Variants in ADAMTS13 observed in about 807,000 individuals in gnomAD.
ADAMTS13 encodes ADAM metallopeptidase with thrombospondin type 1 motif 13.
A neutral mutation model predicts 155.1 loss-of-function variants in ADAMTS13; 110 were observed. That is an observed-to-expected ratio of 0.71 (90% CI 0.61 to 0.83). ADAMTS13 has a LOEUF of 0.83. ADAMTS13 is among the 40% of genes least tolerant of loss of function. ADAMTS13 has a pLI of 0.00. For missense variants in ADAMTS13, 1,707 were observed against 1,891.7 expected (o/e 0.90, Z 1.81); for synonymous variants, 758 against 756.4 (o/e 1.00, Z -0.03).
rs587644348 is a variant in ADAMTS13 at position 133,440,037 on chromosome 9, G to A, written c.1787-307G>A. Among the ~76,000 whole-genome samples the A allele has an allele frequency of 2.0e-5, 3 of 152,382 alleles. No individual in the cohort carries two copies. Among genetic ancestry groups the A allele is most frequent in the Non-Finnish European group, 4.4e-5 (3 of 68,046 alleles). ...GGGCAAGGCCCGCTTCTTTGCTATT[G>A]AGGGCCACAGTGGGTCTTTCTGGAG... On this transcript the variant is annotated intron_variant, in intron 15 of 28. Transcript: ENST00000355699. This position sits in a 1 kb window ranked among gnomAD's most constrained non-coding sequence, Gnocchi z 4.3.
At chr9:133,449,041 TCCTCA>T (rs1309162185) in intron 22 of ADAMTS13, among the ~76,000 whole-genome samples, 3 of 152,204 alleles carry the variant, frequency 2.0e-5, no homozygotes, top group African/African-American at 7.2e-5. Flanking sequence ...ACCCTCAGTG[TCCTCA>T]CCAGTGGGAG....
chr9:133,420,271 C>G (rs1839902557), upstream of ADAMTS13, among the ~76,000 whole-genome samples: 1 of 152,148 alleles, frequency 6.6e-6, no homozygotes, highest in African/African-American at 2.4e-5. Context: ...GAACTCCTGA[C>G]CTCATGATCC....
At chr9:133,422,306 G>A (rs1840004193), upstream of ADAMTS13, 4 of 844,532 alleles carry the variant, frequency 4.7e-6, no homozygotes, top group Admixed American at 8.0e-5. Flanking sequence ...TGCCCTGGCA[G>A]GAAGCTTCCA....
intron 2 of ADAMTS13, 61 bp downstream of exon 2, chr9:133,423,228 C>CA: frequency 6.7e-7 from 1 of 1,494,132 alleles, no homozygotes; most frequent in Non-Finnish European, 9.3e-7. Flanking sequence ...AGGGGTATCT[C>CA]ACCACTGAGT....
At chr9:133,442,874 A>G in intron 18 of ADAMTS13, 131 bp downstream of exon 18, 7 of 1,379,444 alleles carry the variant, frequency 5.1e-6, no homozygotes, top group Non-Finnish European at 6.7e-6. Context: ...GGCTCTCATT[A>G]CCCCTGCCCA....
intron 19 of ADAMTS13, among the ~76,000 whole-genome samples, chr9:133,444,277 G>C (rs1554791819): frequency 6.6e-6 from 1 of 152,112 alleles, no homozygotes; most frequent in East Asian, 1.9e-4. Flanking sequence ...CTCTGCACCT[G>C]CTATGGTGCA....
At chr9:133,442,083 A>G (rs1841710291) in intron 16 of ADAMTS13, among the ~76,000 whole-genome samples, 1 of 152,158 alleles carries the variant, frequency 6.6e-6, no homozygotes, top group African/African-American at 2.4e-5. Context: ...AGAGCCTGGT[A>G]CAGGTCAGTG....
intron 16 of ADAMTS13, among the ~76,000 whole-genome samples, chr9:133,442,165 A>G (rs587700909): frequency 6.6e-6 from 1 of 152,044 alleles, no homozygotes; most frequent in Admixed American, 6.5e-5. Context: ...GCCAGGCTGG[A>G]GTGCTATGTT....
chr9:133,436,778 A>AACC, intron 11 of ADAMTS13, 51 bp from the exon 12 acceptor site: 2 of 433,948 alleles, frequency 4.6e-6, no homozygotes, highest in South Asian at 1.6e-5. Flanking sequence ...CAGTGACAAC[A>AACC]CCCGCCCCCC....
At chr9:133,420,033 T>G (rs1335768926), upstream of ADAMTS13, among the ~76,000 whole-genome samples, 1 of 151,982 alleles carries the variant, frequency 6.6e-6, no homozygotes, top group Non-Finnish European at 1.5e-5. Context: ...GCCTCCCGAG[T>G]AGCTGGGATT....
intron 27 of ADAMTS13, 136 bp from the exon 28 acceptor site, chr9:133,457,774 C>G: frequency 8.9e-7 from 1 of 1,123,258 alleles, no homozygotes; most frequent in Non-Finnish European, 1.3e-6. Flanking sequence ...AGGTGGGGTT[C>G]AGCAGGATTT....
At chr9:133,450,395 C>A (rs1177196697) in intron 23 of ADAMTS13, among the ~76,000 whole-genome samples, 1 of 151,934 alleles carries the variant, frequency 6.6e-6, no homozygotes, top group Non-Finnish European at 1.5e-5. Context: ...ATACAGAAAC[C>A]CTGTCTCTAC....
intron 8 of ADAMTS13, among the ~76,000 whole-genome samples, chr9:133,430,733 T>C (rs1219067092): frequency 1.3e-5 from 2 of 148,362 alleles, no homozygotes; most frequent in Non-Finnish European, 3.0e-5. Flanking sequence ...CCCTCTCTGC[T>C]CACTGCAGGC....
chr9:133,445,835 A>G lies in ADAMTS13; in HGVS notation c.2731+16A>G, dbSNP rs1554792447. On this transcript the variant is annotated intron_variant, in intron 21 of 28. Transcript: ENST00000355699. The surrounding 1 kb of genome is among the most constrained non-coding windows in gnomAD (Gnocchi z 5.0). ...TGCGGGCGAGGTGAGGGCCCCCGGG[A>G]TGCTCCTGGGGACCAGCACTCATGG... 3.8e-6 allele frequency: 6 copies of G among 1,565,306 alleles called. No homozygotes were observed. Among genetic ancestry groups the G allele is most frequent in the Non-Finnish European group, 4.4e-6 (5 of 1,149,388 alleles).
In ADAMTS13 at chr9:133,457,843, T is replaced by A; in HGVS notation, c.3725-67T>A. 3 of 1,592,246 alleles carry A rather than the reference T, an allele frequency of 1.9e-6. No individual in the cohort carries two copies. The South Asian group carries it at 3.3e-5, about 18-fold the overall frequency. On this transcript the variant is annotated intron_variant, in intron 27 of 28. Transcript: ENST00000355699. The stretch of plus-strand genomic sequence containing the variant: ...GCTGCCCTGCACGGCTCCCTGGCTG[T>A]GAGTTGTCCTGGCCTCTGGCACCAC...
rs587616156 is a variant in ADAMTS13, at chr9:133,444,424, C to T, written c.2421-439C>T. Among the ~76,000 whole-genome samples, 4 of 152,148 alleles carry T rather than the reference C, an allele frequency of 2.6e-5. No individual in the cohort carries two copies. In the South Asian group the frequency reaches 8.3e-4, roughly 32 times the overall value. On this transcript the variant is annotated intron_variant, in intron 19 of 28. Transcript: ENST00000355699. ...CTGGTATGCAGTGGCATGATCTTGG[C>T]TCACTGCAACCTCCTGCCTCAGCAA...
rs1190431296 is a variant in ADAMTS13 at position 133,441,293 on chromosome 9, C to T, written c.1968+768C>T. ...GGGCCTCCCACAGATCAGGCCAGGCCGGGCCAAAGCAAGCCCCTGTGAGCG... is the reference window on the plus strand; with the variant it reads ...GGGCCTCCCACAGATCAGGCCAGGCTGGGCCAAAGCAAGCCCCTGTGAGCG... On this transcript the variant is annotated intron_variant, in intron 16 of 28. Coordinates refer to ENST00000355699, the MANE Select transcript of ADAMTS13 (RefSeq NM_139027.6). The surrounding 1 kb of genome is among the most constrained non-coding windows in gnomAD (Gnocchi z 5.0). Among the ~76,000 whole-genome samples, 2 of 152,294 alleles carry T rather than the reference C, an allele frequency of 1.3e-5. No homozygotes were observed. Among genetic ancestry groups the T allele is most frequent in the Non-Finnish European group, 2.9e-5 (2 of 68,018 alleles).
intron 21 of ADAMTS13, 130 bp from the exon 22 acceptor site, chr9:133,448,468 AG>A: frequency 8.3e-7 from 1 of 1,205,594 alleles, no homozygotes; most frequent in East Asian, 2.3e-5. Flanking sequence ...GAGGTCACAC[AG>A]CTGGTAAGTG....
chr9:133,438,218 C>T (rs202221275), intron 13 of ADAMTS13, 28 bp from the exon 14 acceptor site: 408 of 1,614,096 alleles, frequency 2.5e-4, no homozygotes, highest in Non-Finnish European at 3.2e-4. Context: ...TCCAGTGACA[C>T]GGGCCCTCTG....
Sources: allele counts gnomAD v4.1 joint callset (sites outside exome capture counted in the v4.1 genomes callset), GRCh38; gene constraint gnomAD v4.1.1; non-coding constraint Gnocchi (gnomAD v3.1); transcripts MANE v1.5; gene names NCBI Gene and HGNC (gene_info 2026-07-23, HGNC 2026-07-21).